The following UPF1 variants were observed in gnomAD, a reference collection of about 807,000 sequenced individuals.
UPF1 encodes the protein regulator of nonsense transcripts 1.
A neutral mutation model predicts 129.2 loss-of-function variants in UPF1; 9 were observed. That is an observed-to-expected ratio of 0.07 (90% CI 0.04 to 0.12). The LOEUF (loss-of-function observed/expected upper bound fraction) is 0.12. Ranked by LOEUF, UPF1 falls within the 10% of genes least tolerant of loss-of-function variation. The pLI is 1.00. For missense variants in UPF1, 788 were observed against 1,525.3 expected, an observed-to-expected ratio of 0.52 and a Z score of 8.05; for synonymous variants, 649 against 644.9, an observed-to-expected ratio of 1.01 and a Z score of -0.10.
At chr19:18,855,812 C>T in intron 11 of UPF1, 113 bp from the exon 12 acceptor site, 1 of 1,409,976 alleles carries the variant, frequency 7.1e-7, no homozygotes, top group African/African-American at 1.4e-5. Context: ...CACACCACTG[C>T]ACTCCAGCCT....
chr19:18,863,422 T>C lies in UPF1; in HGVS notation c.2601-16T>C. On this transcript the variant is annotated splice_polypyrimidine_tract_variant and intron_variant, in intron 18 of 23. Coordinates refer to ENST00000262803, the MANE Select transcript of UPF1 (RefSeq NM_002911.4). ...AGCTCTCCACCTGCGTCCTCAGCAC[T>C]GCGCCCTTGTTGCAGGTATGGCGTC... 1 of 1,610,204 alleles carries C rather than the reference T, an allele frequency of 6.2e-7. No individual in the cohort carries two copies. The highest frequency in any genetic ancestry group is 8.5e-7 in the Non-Finnish European group (1 of 1,176,882).
chr19:18,832,394 C>G lies in UPF1; in HGVS notation c.185C>G (p.Pro62Arg). The G allele has an allele frequency of 9.7e-7, 1 of 1,027,340 alleles. No individual in the cohort carries two copies. 63.6% of individuals were successfully genotyped at this position (1,027,340 alleles called of 1,614,324 possible). Residue 62 changes from proline to arginine, a missense_variant, in exon 1 of 24, where the codon CCG (proline) becomes CGG (arginine). By Grantham distance (103) the Pro-to-Arg change is moderately radical. Coordinates refer to ENST00000262803, the MANE Select transcript of UPF1 (RefSeq NM_002911.4). The surrounding 1 kb of genome is among the most constrained non-coding windows in gnomAD (Gnocchi z 5.6). ...CCGGGCGGTGGCGGCGCGGGAGGCC[C>G]GGGCGGCGCGGGCGCGGGCGCTGCG... ...GGPGGGGAGGPGGAGAGAAAG... is the reference protein window; with the variant it reads ...GGPGGGGAGGRGGAGAGAAAG...
chr19:18,849,097 A>G (rs1371926466), intron 3 of UPF1: 1 of 152,334 alleles, frequency 6.6e-6, no homozygotes, highest in Non-Finnish European at 1.5e-5. Context: ...ATGAGAAGAC[A>G]CGGAGACAGC....
rs2055805371 is a variant in UPF1 at position 18,863,573 on chromosome 19, G to A, written c.2736G>A (p.Gln912=). Residue 912 remains glutamine (Q), a synonymous_variant, in exon 19 of 24, where the codon CAG becomes CAA. Transcript: ENST00000262803. ...PLNNLRESLM[Q]FSKPRKLVNT... ...ACAACCTGCGTGAGAGCCTCATGCA[G>A]TTCAGCAAGCCACGGAAGCTGGTCA... The A allele has an allele frequency of 1.2e-6, 2 of 1,613,772 alleles. No homozygotes were observed. Among genetic ancestry groups the A allele is most frequent in the Non-Finnish European group, 1.7e-6 (2 of 1,179,884 alleles).
In UPF1 at chr19:18,846,111, C is replaced by A; in HGVS notation, c.363C>A (p.His121Gln). 6.2e-7 allele frequency: 1 copy of A among 1,614,018 alleles called. No individual in the cohort carries two copies. Among genetic ancestry groups the A allele is most frequent in the Non-Finnish European group, 8.5e-7 (1 of 1,179,998 alleles). The part of the protein sequence containing the change: ...DTYYTKDLPI[H>Q]ACSYCGIHDP... ...ATTACACGAAGGACCTCCCCATACA[C>A]GCCTGCAGGTGAGCTGAGCTCAGCT... Residue 121 changes from histidine (H) to glutamine (Q), a missense_variant, in exon 2 of 24, where the codon CAC becomes CAA. By Grantham distance (24) the His-to-Gln change is conservative (BLOSUM62 0). Coordinates refer to ENST00000262803, the MANE Select transcript of UPF1 (RefSeq NM_002911.4).
Position 18,853,038 on chromosome 19 carries a change from A to C in UPF1, c.1024A>C (p.Ile342Leu). ...RWDLGLNKKR[I>L]AYFTLPKTDS... is the part of the protein sequence containing the mutation. ...GGACCTGGGCCTTAACAAGAAGAGAATCGCCTACTTCACTTTGCCCAAGAC... is the reference window on the plus strand; with the variant it reads ...GGACCTGGGCCTTAACAAGAAGAGACTCGCCTACTTCACTTTGCCCAAGAC... The change falls in exon 7 of 24, where the codon ATC becomes CTC. Residue 342 changes from isoleucine (I) to leucine (L), a missense_variant. By Grantham distance (5) the Ile-to-Leu change is conservative. This residue lies in a region of UPF1 where 227 missense variants were observed against 517.9 expected (regional missense o/e 0.44). Transcript: ENST00000262803. This position sits in a 1 kb window ranked among gnomAD's most constrained non-coding sequence, Gnocchi z 4.4. 6.2e-7 allele frequency: 1 copy of C among 1,614,190 alleles called. No homozygotes were observed. Among genetic ancestry groups the C allele is most frequent in the East Asian group, 2.2e-5 (1 of 44,860 alleles).
chr19:18,841,483 C>T (rs865835551), intron 1 of UPF1, among the ~76,000 whole-genome samples: 5 of 152,230 alleles, frequency 3.3e-5, no homozygotes, highest in Non-Finnish European at 5.9e-5. Context: ...CAGTTGGCCT[C>T]TCTCCACAGC....
At chr19:18,837,031 C>T (rs568799949) in intron 1 of UPF1, among the ~76,000 whole-genome samples, 4 of 152,094 alleles carry the variant, frequency 2.6e-5, no homozygotes, top group South Asian at 2.1e-4. Context: ...GGATTACAGC[C>T]GTGAGCCACT....
intron 20 of UPF1, among the ~76,000 whole-genome samples, chr19:18,864,587 T>G (rs977958111): frequency 3.9e-5 from 6 of 152,118 alleles, no homozygotes; most frequent in African/African-American, 1.4e-4. Context: ...TGATTTTCAT[T>G]TATTTTCTTT....
At position 18,851,290 on chromosome 19, in the gene UPF1, G is replaced by A. The variant is rs1040622304; in HGVS notation, c.810+422G>A. ...AGCTGAGACAGAGGGGAGAGGAGAG[G>A]GTGCCGGGTCAAGTAGTGGGTGCCT... On this transcript the variant is annotated intron_variant, in intron 5 of 23. Coordinates refer to ENST00000262803, the MANE Select transcript of UPF1 (RefSeq NM_002911.4). This position sits in a 1 kb window ranked among gnomAD's most constrained non-coding sequence, Gnocchi z 4.2. Among the ~76,000 whole-genome samples, 1 of 152,070 alleles carries A rather than the reference G, an allele frequency of 6.6e-6. No individual in the cohort carries two copies. The highest frequency in any genetic ancestry group is 1.5e-5 in the Non-Finnish European group (1 of 68,014).
chr19:18,836,749 ATTT>A (rs755282469), intron 1 of UPF1, among the ~76,000 whole-genome samples: 4 of 129,470 alleles, frequency 3.1e-5, no homozygotes, highest in Non-Finnish European at 5.0e-5. Flanking sequence ...CTATCCACCC[ATTT>A]TTTTTTTTTT....
At chr19:18,855,637 G>T in intron 11 of UPF1, 1 of 507,702 alleles carries the variant, frequency 2.0e-6, no homozygotes. Flanking sequence ...TGTTAAAAAT[G>T]TCAGGAGTTT....
chr19:18,836,000 G>C (rs1048784528), intron 1 of UPF1, among the ~76,000 whole-genome samples: 2 of 152,240 alleles, frequency 1.3e-5, no homozygotes, highest in Admixed American at 1.3e-4. Flanking sequence ...AGTGGCAGCA[G>C]GGGTGACTCC....
chr19:18,843,190 C>T lies in UPF1; in HGVS notation c.232-2790C>T, dbSNP rs764045090. Among the ~76,000 whole-genome samples the T allele has an allele frequency of 2.6e-4, 39 of 152,176 alleles. 1 individual carries two copies. Among genetic ancestry groups the T allele is most frequent in the South Asian group, 2.1e-4 (1 of 4,824 alleles). On this transcript the variant is annotated intron_variant, in intron 1 of 23. Coordinates refer to ENST00000262803, the MANE Select transcript of UPF1 (RefSeq NM_002911.4). ...GGAATGAGCTGCTTTGCCTTTTGAG[C>T]TTGGCCTTTAGCCAACAATGTTGAG... is the stretch of plus-strand genomic sequence containing the variant.
At position 18,867,747 on chromosome 19, in the gene UPF1, TAGG is replaced by T. The variant is rs2055871863; in HGVS notation, c.*1233_*1235del. The T allele has an allele frequency of 6.6e-6, 1 of 152,328 alleles. No homozygotes were observed. Among genetic ancestry groups the T allele is most frequent in the Non-Finnish European group, 1.5e-5 (1 of 68,104 alleles). 9.4% of individuals were successfully genotyped at this position (152,328 alleles called of 1,614,324 possible). On this transcript the variant is annotated 3_prime_UTR_variant, in exon 24 of 24. Coordinates refer to ENST00000262803, the MANE Select transcript of UPF1 (RefSeq NM_002911.4). ...TGGTGTCATTGGCAGAGGGTCATTTTAGGAGAGCTGCCCCAGCCCCTCGAACGC... is the reference window on the plus strand; with the variant it reads ...TGGTGTCATTGGCAGAGGGTCATTTTAGAGCTGCCCCAGCCCCTCGAACGC...
chr19:18,834,328 A>C (rs1398156449), intron 1 of UPF1, among the ~76,000 whole-genome samples: 2 of 152,186 alleles, frequency 1.3e-5, no homozygotes, highest in Non-Finnish European at 2.9e-5. Flanking sequence ...TTTCTTGTGA[A>C]TCCTTTTAAC....
Position 18,853,302 on chromosome 19 carries a change from C to G in UPF1, c.1108C>G (p.Leu370Val). 1 of 1,613,264 alleles carries G rather than the reference C, an allele frequency of 6.2e-7. No homozygotes were observed. Among genetic ancestry groups the G allele is most frequent in the Non-Finnish European group, 8.5e-7 (1 of 1,179,442 alleles). Reference sequence around the variant, plus strand: ...GATATGCCTGCGGTACAAAGGGGACCTTGCGCCCCTGTGGAAAGGGATCGG... The same window carrying G: ...GATATGCCTGCGGTACAAAGGGGACGTTGCGCCCCTGTGGAAAGGGATCGG... The part of the protein sequence containing the change: ...DEICLRYKGD[L>V]APLWKGIGHV... Residue 370 changes from leucine to valine, a missense_variant, in exon 8 of 24, where the codon CTT becomes GTT. Physicochemically the swap from Leu to Val is conservative, Grantham distance 32. Transcript: ENST00000262803. The surrounding 1 kb of genome is among the most constrained non-coding windows in gnomAD (Gnocchi z 4.4).
intron 1 of UPF1, among the ~76,000 whole-genome samples, chr19:18,835,672 T>C (rs1026910296): frequency 6.6e-6 from 1 of 152,196 alleles, no homozygotes; most frequent in Non-Finnish European, 1.5e-5. Flanking sequence ...CTGAGTAATA[T>C]TCCATGGGTG....
intron 11 of UPF1, 118 bp downstream of exon 11, chr19:18,855,360 G>C: frequency 9.0e-7 from 1 of 1,113,588 alleles, no homozygotes; most frequent in Non-Finnish European, 1.3e-6. Flanking sequence ...GTGGCGGGTA[G>C]TGTCGCCATG....
Sources: allele counts gnomAD v4.1 joint callset (sites outside exome capture counted in the v4.1 genomes callset), GRCh38; gene constraint gnomAD v4.1.1; regional missense constraint gnomAD v4.1.1; non-coding constraint Gnocchi (gnomAD v3.1); transcripts MANE v1.5; gene names NCBI Gene and HGNC (gene_info 2026-07-23, HGNC 2026-07-21).